Variants in TEAD1 observed in about 807,000 individuals in gnomAD.
The protein encoded by TEAD1 is transcriptional enhancer factor TEF-1.
In TEAD1, 9 loss-of-function variants were observed where a neutral mutation model predicts 54.9. The ratio of observed to expected loss-of-function variants is 0.16; its 90% confidence interval spans 0.10 to 0.29. The LOEUF is 0.29. Among genes scored for constraint, TEAD1 ranks in the 10% least tolerant of loss-of-function variants. The pLI is 1.00. For synonymous variants in TEAD1, 200 were observed against 187.8 expected, an observed-to-expected ratio of 1.07 and a Z score of -0.53; for missense variants, 387 against 535.9, an observed-to-expected ratio of 0.72 and a Z score of 2.74.
intron 2 of TEAD1, among the ~76,000 whole-genome samples, chr11:12,725,547 A>G (rs1400212672): frequency 5.3e-5 from 8 of 152,232 alleles, no homozygotes; most frequent in African/African-American, 1.9e-4. Flanking sequence ...TGATCATTAC[A>G]TATTCCATGC....
chr11:12,841,556 C>T (rs1020686628), intron 3 of TEAD1, among the ~76,000 whole-genome samples: 5 of 152,194 alleles, frequency 3.3e-5, no homozygotes, highest in African/African-American at 9.6e-5. Context: ...AGAATCCCTC[C>T]ACATTCCCCC....
chr11:12,839,694 G>A lies in TEAD1; in HGVS notation c.203-22556G>A, dbSNP rs76359224. Among the ~76,000 whole-genome samples the A allele has an allele frequency of 8.6e-3, 1,317 of 152,272 alleles. 16 individuals carry two copies. Among genetic ancestry groups the A allele is most frequent in the East Asian group, 0.041 (211 of 5,176 alleles). ...TCAGAGCAGGTTCAGAACGTAAGGA[G>A]CACGACCAGGGAATCACTAACTTCG... On this transcript the variant is annotated intron_variant, in intron 3 of 12. Transcript: ENST00000527636.
At chr11:12,933,135 C>G (rs572828954) in intron 12 of TEAD1, among the ~76,000 whole-genome samples, 2 of 152,108 alleles carry the variant, frequency 1.3e-5, no homozygotes. Context: ...AGGAGGTGTC[C>G]TCATTGTTAA....
At position 12,941,475 on chromosome 11, in the gene TEAD1, G is replaced by A. The variant is rs1355312940; in HGVS notation, c.*4253G>A. 1 of 152,242 alleles carries A rather than the reference G, an allele frequency of 6.6e-6. No individual in the cohort carries two copies. Among genetic ancestry groups the A allele is most frequent in the Non-Finnish European group, 1.5e-5 (1 of 68,030 alleles). The allele number at this position is 152,242 out of a possible 1,614,324, so 9.4% of individuals were successfully genotyped here. A position where few individuals can be genotyped will look rare whatever the true frequency, so the allele number is the denominator to read the frequency against. The stretch of plus-strand genomic sequence containing the variant: ...AGGTTTCAGTACTGTGGTGGCTTTA[G>A]CAGTTGTTTTTGTGCAACTATAAAT... On this transcript the variant is annotated 3_prime_UTR_variant, in exon 13 of 13. Transcript: ENST00000527636.
chr11:12,809,912 C>T (rs1016826877), intron 3 of TEAD1, among the ~76,000 whole-genome samples: 2 of 151,464 alleles, frequency 1.3e-5, no homozygotes, highest in African/African-American at 4.9e-5. Flanking sequence ...CTTTCTGGAC[C>T]AGCCGATGGG....
intron 3 of TEAD1, among the ~76,000 whole-genome samples, chr11:12,841,190 G>A (rs978624907): frequency 2.6e-5 from 4 of 152,216 alleles, no homozygotes; most frequent in African/African-American, 9.7e-5. Flanking sequence ...TGTAGCCTCT[G>A]TGGCTCTGCC....
chr11:12,920,971 G>A (rs73409276), intron 10 of TEAD1, among the ~76,000 whole-genome samples: 3,582 of 152,196 alleles, frequency 0.024, 120 homozygotes, highest in African/African-American at 0.083. Context: ...GAAATTCCAT[G>A]TTAGTACTAT....
chr11:12,918,418 T>C (rs533221408), intron 10 of TEAD1, among the ~76,000 whole-genome samples: 241 of 152,086 alleles, frequency 1.6e-3, no homozygotes, highest in Admixed American at 3.7e-3. Flanking sequence ...ATCTGTGATA[T>C]GGTTGGATAG....
intron 10 of TEAD1, among the ~76,000 whole-genome samples, chr11:12,915,015 C>T (rs560737032): frequency 1.3e-5 from 2 of 152,326 alleles, no homozygotes; most frequent in African/African-American, 2.4e-5. Flanking sequence ...GCCAGCGTCT[C>T]GTTGCAGCCA....
chr11:12,932,450 C>A (rs370862336), intron 12 of TEAD1, among the ~76,000 whole-genome samples: 57 of 152,278 alleles, frequency 3.7e-4, no homozygotes, highest in African/African-American at 1.3e-3. Flanking sequence ...AAAATCAATT[C>A]TGATTCTGTT....
intron 5 of TEAD1, among the ~76,000 whole-genome samples, chr11:12,872,672 AAC>A (rs1361585997): frequency 6.6e-6 from 1 of 152,218 alleles, no homozygotes; most frequent in Non-Finnish European, 1.5e-5. Flanking sequence ...GGGCAACAGA[AAC>A]AGTCTCATCA....
intron 2 of TEAD1, among the ~76,000 whole-genome samples, chr11:12,730,044 C>T (rs1944387975): frequency 6.7e-6 from 1 of 148,210 alleles, no homozygotes; most frequent in Non-Finnish European, 1.5e-5. Flanking sequence ...CCACAACTTC[C>T]CTCCTGTTTT....
At chr11:12,839,172 A>G (rs1946972462) in intron 3 of TEAD1, among the ~76,000 whole-genome samples, 2 of 151,788 alleles carry the variant, frequency 1.3e-5, no homozygotes, top group Non-Finnish European at 2.9e-5. Flanking sequence ...GCACTTTGGG[A>G]GGCAGAGGCC....
intron 3 of TEAD1, among the ~76,000 whole-genome samples, chr11:12,815,474 C>G (rs112866075): frequency 6.6e-6 from 1 of 152,170 alleles, no homozygotes; most frequent in African/African-American, 2.4e-5. Flanking sequence ...GAAGAGGTCA[C>G]AGAACTGTAA....
At chr11:12,686,596 G>A (rs1454863728) in intron 2 of TEAD1, among the ~76,000 whole-genome samples, 1 of 151,970 alleles carries the variant, frequency 6.6e-6, no homozygotes, top group African/African-American at 2.4e-5. Flanking sequence ...TATGAAATTG[G>A]GGGATTTCAG....
chr11:12,683,156 G>A (rs187259414), intron 2 of TEAD1, among the ~76,000 whole-genome samples: 12 of 152,236 alleles, frequency 7.9e-5, no homozygotes, highest in Non-Finnish European at 1.3e-4. Flanking sequence ...TTTTATGTAG[G>A]CATAAGATTG....
chr11:12,878,978 A>G, intron 5 of TEAD1: 1 of 1,147,452 alleles, frequency 8.7e-7, no homozygotes, highest in South Asian at 1.4e-5. Context: ...TTGTGTTGTT[A>G]GCCTTGGCTT....
chr11:12,921,861 T>A (rs1948812779), intron 10 of TEAD1, among the ~76,000 whole-genome samples: 1 of 152,148 alleles, frequency 6.6e-6, no homozygotes, highest in Non-Finnish European at 1.5e-5. Flanking sequence ...ACATGCATGA[T>A]TTCCTGCTGA....
At chr11:12,924,533 C>G (rs183946208) in intron 10 of TEAD1, among the ~76,000 whole-genome samples, 2 of 152,264 alleles carry the variant, frequency 1.3e-5, no homozygotes, top group Non-Finnish European at 2.9e-5. Flanking sequence ...GGCTAGTCAG[C>G]TGCAGTCTCT....
Sources: gnomAD v4.1 joint callset for allele counts (sites outside exome capture counted in the v4.1 genomes callset) on GRCh38, gnomAD v4.1.1 for gene constraint, MANE v1.5 for transcripts, NCBI Gene and HGNC (gene_info 2026-07-23, HGNC 2026-07-21) for gene names.